The following PCGF5 variants were observed in gnomAD, a reference collection of about 807,000 sequenced individuals.
PCGF5 encodes polycomb group RING finger protein 5.
PCGF5 carries 9 observed loss-of-function variants against 44.3 expected under a neutral mutation model. The observed-to-expected ratio is 0.20, with a 90% CI of 0.12 to 0.35. PCGF5 has a LOEUF of 0.35. Among genes scored for constraint, PCGF5 ranks in the 10% least tolerant of loss-of-function variants. PCGF5 has a pLI of 1.00. For missense variants in PCGF5, 146 were observed against 305.3 expected (o/e 0.48, Z 3.89); for synonymous variants, 95 against 102.5 (o/e 0.93, Z 0.44).
chr10:91,232,097 G>T (rs12244653), intron 2 of PCGF5, among the ~76,000 whole-genome samples: 5,918 of 152,234 alleles, frequency 0.039, 373 homozygotes, highest in African/African-American at 0.13. Context: ...GAGATAGGAG[G>T]ACAATGGGAA....
intron 3 of PCGF5, among the ~76,000 whole-genome samples, chr10:91,243,600 T>C (rs1845383671): frequency 6.6e-6 from 1 of 152,160 alleles, no homozygotes. Flanking sequence ...GTATTTGTAC[T>C]CTCCAGTATG....
intron 2 of PCGF5, among the ~76,000 whole-genome samples, chr10:91,236,828 A>G (rs1845178694): frequency 6.6e-6 from 1 of 152,184 alleles, no homozygotes. Flanking sequence ...AACAGTTTTT[A>G]AAAGCCATGT....
At chr10:91,206,017 G>T (rs933844793) in intron 1 of PCGF5, among the ~76,000 whole-genome samples, 1 of 152,108 alleles carries the variant, frequency 6.6e-6, no homozygotes, top group African/African-American at 2.4e-5. Context: ...CCGCGACTCT[G>T]TCAAAAAACA....
At chr10:91,252,800 T>C (rs1845652362) in intron 6 of PCGF5, among the ~76,000 whole-genome samples, 1 of 152,056 alleles carries the variant, frequency 6.6e-6, no homozygotes, top group Non-Finnish European at 1.5e-5. Context: ...TAAACAAACG[T>C]AAAGTCCACT....
chr10:91,207,360 T>C (rs896945026), intron 1 of PCGF5, among the ~76,000 whole-genome samples: 1 of 152,212 alleles, frequency 6.6e-6, no homozygotes, highest in Non-Finnish European at 1.5e-5. Context: ...GCCAAAATCT[T>C]TCAATGAACA....
intron 3 of PCGF5, among the ~76,000 whole-genome samples, chr10:91,241,057 T>G (rs997044797): frequency 8.8e-5 from 13 of 148,352 alleles, no homozygotes; most frequent in Admixed American, 8.1e-4. Flanking sequence ...ATATATATAA[T>G]ATATATTTTA....
At chr10:91,195,861 G>A (rs1211103476) in intron 1 of PCGF5, among the ~76,000 whole-genome samples, 2 of 151,682 alleles carry the variant, frequency 1.3e-5, no homozygotes, top group South Asian at 2.1e-4. Flanking sequence ...AACAGCATTT[G>A]TGACTGGTAA....
intron 9 of PCGF5, among the ~76,000 whole-genome samples, chr10:91,273,256 A>G (rs10881909): frequency 0.052 from 7,986 of 152,306 alleles, 640 homozygotes; most frequent in East Asian, 0.37. Context: ...CGAGGTGTAT[A>G]GATGTTTCAG....
chr10:91,273,798 G>A (rs1316851670), intron 9 of PCGF5, among the ~76,000 whole-genome samples: 8 of 150,360 alleles, frequency 5.3e-5, no homozygotes, highest in Non-Finnish European at 1.2e-4. Flanking sequence ...CTAATATAGT[G>A]TATTATAATA....
At chr10:91,233,326 C>T (rs1392033870) in intron 2 of PCGF5, among the ~76,000 whole-genome samples, 1 of 152,038 alleles carries the variant, frequency 6.6e-6, no homozygotes, top group Non-Finnish European at 1.5e-5. Context: ...GTCTAAGATC[C>T]CCAGACCATG....
chr10:91,197,472 G>A (rs1213672271), intron 1 of PCGF5, among the ~76,000 whole-genome samples: 2 of 152,198 alleles, frequency 1.3e-5, no homozygotes, highest in African/African-American at 4.8e-5. Context: ...TCCGGGCATT[G>A]TGCTAAGTGT....
chr10:91,218,917 C>T (rs945808494), upstream of PCGF5, among the ~76,000 whole-genome samples: 2 of 152,122 alleles, frequency 1.3e-5, no homozygotes, highest in African/African-American at 4.8e-5. Context: ...CATGAGCCAC[C>T]GTGCCAGGCC....
intron 1 of PCGF5, among the ~76,000 whole-genome samples, chr10:91,193,501 G>A (rs1469636405): frequency 6.6e-6 from 1 of 151,960 alleles, no homozygotes; most frequent in Non-Finnish European, 1.5e-5. Context: ...AGAGAACAGT[G>A]ACAGCCAAGT....
upstream of PCGF5, among the ~76,000 whole-genome samples, chr10:91,158,855 T>C (rs1486336302): frequency 1.3e-5 from 2 of 152,240 alleles, no homozygotes; most frequent in African/African-American, 4.8e-5. Context: ...TTTTTGGCCC[T>C]TTGAAATTTA....
At chr10:91,254,775 C>CT (rs1325120195) in intron 6 of PCGF5, among the ~76,000 whole-genome samples, 1 of 152,062 alleles carries the variant, frequency 6.6e-6, no homozygotes, top group African/African-American at 2.4e-5. Context: ...TGAAAATTCA[C>CT]TTTTCCATGA....
chr10:91,223,330 G>A (rs1333315522), intron 2 of PCGF5, among the ~76,000 whole-genome samples: 1 of 152,136 alleles, frequency 6.6e-6, no homozygotes, highest in Admixed American at 6.5e-5. Flanking sequence ...AGGATATGCA[G>A]ACTCTTAATT....
intron 1 of PCGF5, among the ~76,000 whole-genome samples, chr10:91,212,554 CAG>C (rs1844471534): frequency 6.6e-6 from 1 of 152,110 alleles, no homozygotes; most frequent in Admixed American, 6.6e-5. Context: ...ATTGTATACT[CAG>C]AGGCTACTCT....
chr10:91,194,400 T>C (rs915333916), intron 1 of PCGF5, among the ~76,000 whole-genome samples: 8 of 151,974 alleles, frequency 5.3e-5, no homozygotes, highest in Admixed American at 4.6e-4. Context: ...GATTTGAAGA[T>C]GGAGGAAGGG....
chr10:91,276,891 C>G (rs1448150802), intron 9 of PCGF5, among the ~76,000 whole-genome samples: 1 of 152,200 alleles, frequency 6.6e-6, no homozygotes, highest in African/African-American at 2.4e-5. Flanking sequence ...CAGAATCTCA[C>G]TGGGCTTCAG....
Sources: allele counts gnomAD v4.1 joint callset (sites outside exome capture counted in the v4.1 genomes callset), GRCh38; gene constraint gnomAD v4.1.1; transcripts MANE v1.5; gene names NCBI Gene and HGNC (gene_info 2026-07-23, HGNC 2026-07-21).